ACLY: variants seen among roughly 807,000 people sequenced by gnomAD.
The protein encoded by ACLY is ATP-citrate synthase.
A neutral mutation model predicts 133.0 loss-of-function variants in ACLY; 41 were observed. That is an observed-to-expected ratio of 0.31 (90% CI 0.24 to 0.40). ACLY has a LOEUF of 0.40. ACLY is among the 10% of genes least tolerant of loss of function. The pLI is 1.00. For synonymous variants in ACLY, 495 were observed against 549.3 expected (o/e 0.90, Z 1.38); for missense variants, 1,046 against 1,453.8 (o/e 0.72, Z 4.56).
chr17:41,901,609 TA>T, intron 11 of ACLY, 86 bp downstream of exon 11: 2 of 1,169,670 alleles, frequency 1.7e-6, no homozygotes, highest in Non-Finnish European at 2.5e-6. Flanking sequence ...CAAAAGAGCC[TA>T]AGACTGATGC....
chr17:41,890,410 C>T (rs1240017425), intron 16 of ACLY, among the ~76,000 whole-genome samples: 3 of 151,166 alleles, frequency 2.0e-5, no homozygotes, highest in Non-Finnish European at 2.9e-5. Flanking sequence ...ATTTGCCGGG[C>T]GCGGTGGCTC....
At chr17:41,901,929 C>A (rs1555631705) in intron 10 of ACLY, 116 bp from the exon 11 acceptor site, 1 of 777,418 alleles carries the variant, frequency 1.3e-6, no homozygotes, top group East Asian at 2.7e-5. Context: ...TCAGGAAGCA[C>A]AGGACTACGC....
chr17:41,889,240 C>T lies in ACLY; in HGVS notation c.1771-1537G>A, dbSNP rs146270717. 2.5e-3 allele frequency among the ~76,000 whole-genome samples: 383 copies of T among 152,162 alleles called. 2 individuals carry two copies. The highest frequency in any genetic ancestry group is 8.4e-3 in the African/African-American group (350 of 41,512). ...TGCCCTAAACTAAAGAAGCAGCAGCCGGACGTGGTGGCTCACGCCTGTAAT... is the reference window on the plus strand; with the variant it reads ...TGCCCTAAACTAAAGAAGCAGCAGCTGGACGTGGTGGCTCACGCCTGTAAT... On this transcript the variant is annotated intron_variant, in intron 16 of 28. Coordinates refer to ENST00000352035, the MANE Select transcript of ACLY (RefSeq NM_001096.3).
At position 41,887,695 on chromosome 17, in the gene ACLY, G is replaced by C; in HGVS notation, c.1779C>G (p.Thr593=). Residue 593 remains threonine, a synonymous_variant, in exon 17 of 29, where the codon ACC becomes ACG. Coordinates refer to ENST00000352035, the MANE Select transcript of ACLY (RefSeq NM_001096.3). ...METMNYAQIR[T]IAIIAEGIPE... is the part of the protein sequence containing the mutation. ...GGATGCCTTCAGCTATGATGGCGATGGTCCGGATCTAGAGGATGACAAAAG... is the reference window on the plus strand; with the variant it reads ...GGATGCCTTCAGCTATGATGGCGATCGTCCGGATCTAGAGGATGACAAAAG... The C allele has an allele frequency of 6.2e-7, 1 of 1,613,528 alleles. No individual in the cohort carries two copies. Among genetic ancestry groups the C allele is most frequent in the Non-Finnish European group, 8.5e-7 (1 of 1,179,604 alleles).
chr17:41,898,568 T>C, intron 12 of ACLY, 63 bp downstream of exon 12: 1 of 1,579,310 alleles, frequency 6.3e-7, no homozygotes, highest in Non-Finnish European at 8.6e-7. Flanking sequence ...GGAAGAAGAC[T>C]GTATCCTAGT....
At chr17:41,908,956 C>T in intron 6 of ACLY, 33 bp downstream of exon 6, 2 of 1,574,234 alleles carry the variant, frequency 1.3e-6, no homozygotes, top group African/African-American at 1.3e-5. Flanking sequence ...CACTGGGACC[C>T]TTGCCCCCTC....
In ACLY at chr17:41,892,359, G is replaced by C. The variant is rs531658798; in HGVS notation, c.1690C>G (p.Pro564Ala). The change falls in exon 16 of 29, where the codon CCG (proline) becomes GCG (alanine). Residue 564 changes from proline (P) to alanine (A), a missense_variant. This residue lies in a region of ACLY where 575 missense variants were observed against 804.2 expected (regional missense o/e 0.71). Transcript: ENST00000352035. ...KNMADAMRKH[P>A]EVDVLINFAS... ...AAGTTGATGAGCACATCTACCTCCG[G>C]ATGCTTCCTCATGGCATCAGCCATG... 1.2e-6 allele frequency: 2 copies of C among 1,611,818 alleles called. No individual in the cohort carries two copies. Among genetic ancestry groups the C allele is most frequent in the Non-Finnish European group, 1.7e-6 (2 of 1,179,626 alleles).
chr17:41,867,856 G>A lies in ACLY; in HGVS notation c.3260C>T (p.Pro1087Leu). The A allele has an allele frequency of 6.2e-7, 1 of 1,611,154 alleles. No homozygotes were observed. The highest frequency in any genetic ancestry group is 8.5e-7 in the Non-Finnish European group (1 of 1,178,696). ...AAGAACATATGAAATATCATCCCAC[G>A]GATGACGATACAGCCCCTGCTTCAG... The part of the protein sequence containing the change: ...KRLKQGLYRH[P>L]WDDISYVLPE... Residue 1087 changes from proline (P) to leucine (L), a missense_variant, in exon 29 of 29, where the codon CCG becomes CTG. Pro to Leu is a moderately conservative substitution (Grantham distance 98). Around this residue, in one of 4 missense-constraint regions of ACLY, gnomAD observed 205 missense variants for 373.3 expected, o/e 0.55. Coordinates refer to ENST00000352035, the MANE Select transcript of ACLY (RefSeq NM_001096.3).
intron 7 of ACLY, among the ~76,000 whole-genome samples, 199 bp downstream of exon 7, chr17:41,907,243 G>A (rs2049746127): frequency 6.6e-6 from 1 of 152,114 alleles, no homozygotes. Flanking sequence ...AAATCTAAAA[G>A]GATTTCTGGC....
chr17:41,887,511 T>G, intron 17 of ACLY, 88 bp downstream of exon 17: 1 of 1,040,288 alleles, frequency 9.6e-7, no homozygotes, highest in Non-Finnish European at 1.5e-6. Context: ...AGGAGGGAGA[T>G]AGAGGAGTCA....
intron 17 of ACLY, among the ~76,000 whole-genome samples, chr17:41,886,944 T>G (rs1366518007): frequency 6.6e-6 from 1 of 151,584 alleles, no homozygotes; most frequent in Non-Finnish European, 1.5e-5. Context: ...GCTAACATGG[T>G]GAAACCCTGT....
In ACLY at chr17:41,867,411, C is replaced by T. The variant is rs1284898089; in HGVS notation, c.*399G>A. ...TTGGGGTGCTTTAAATGTATAGTAT[C>T]TTGAGGCCATAAATGTTTCATTCCC... On this transcript the variant is annotated 3_prime_UTR_variant, in exon 29 of 29. Coordinates refer to ENST00000352035, the MANE Select transcript of ACLY (RefSeq NM_001096.3). The T allele has an allele frequency of 6.5e-6, 1 of 153,692 alleles. No individual in the cohort carries two copies. Among genetic ancestry groups the T allele is most frequent in the South Asian group, 2.1e-4 (1 of 4,862 alleles). The allele number at this position is 153,692 out of a possible 1,614,324, so 9.5% of individuals were successfully genotyped here. A position where few individuals can be genotyped will look rare whatever the true frequency, so the allele number is the denominator to read the frequency against.
intron 9 of ACLY, 62 bp from the exon 10 acceptor site, chr17:41,904,852 G>A: frequency 1.3e-6 from 2 of 1,496,836 alleles, no homozygotes; most frequent in Non-Finnish European, 9.3e-7. Context: ...CATCTTCCCA[G>A]CAATCCAACT....
chr17:41,881,976 A>G (rs1238522908), intron 20 of ACLY, among the ~76,000 whole-genome samples: 3 of 152,198 alleles, frequency 2.0e-5, no homozygotes, highest in Non-Finnish European at 2.9e-5. Context: ...CTCTTTCTGT[A>G]TCAACATATC....
intron 22 of ACLY, among the ~76,000 whole-genome samples, 195 bp downstream of exon 22, chr17:41,877,908 G>T (rs1254675949): frequency 6.6e-6 from 1 of 152,026 alleles, no homozygotes; most frequent in Non-Finnish European, 1.5e-5. Flanking sequence ...GTGGTACCTT[G>T]TGATCATGTA....
Position 41,873,803 on chromosome 17 carries a change from A to G in ACLY, c.2642+8T>C. 2.6e-6 allele frequency: 4 copies of G among 1,553,500 alleles called. No homozygotes were observed. Among genetic ancestry groups the G allele is most frequent in the Non-Finnish European group, 3.5e-6 (4 of 1,143,952 alleles). ...AGGGCCCTGTAATCTTCTGCCCTCC[A>G]TGCTCACCTTTTCTGGAACCAGAGG... On this transcript the variant is annotated splice_region_variant and intron_variant, in intron 23 of 28. Transcript: ENST00000352035.
At position 41,906,591 on chromosome 17, in the gene ACLY, A is replaced by C; in HGVS notation, c.803T>G (p.Leu268Trp). ...CCAGATCCTCCCTTTGGGGTTCAGCAAGGTCAGCTTCAGGCTTGCCCCACT... is the reference window on the plus strand; with the variant it reads ...CCAGATCCTCCCTTTGGGGTTCAGCCAGGTCAGCTTCAGGCTTGCCCCACT... ...AKSGASLKLT[L>W]LNPKGRIWTM... The change falls in exon 8 of 29, where the codon TTG becomes TGG. Residue 268 changes from leucine (L) to tryptophan (W), a missense_variant. Leu to Trp is a moderately conservative substitution (Grantham distance 61). Transcript: ENST00000352035. 1 of 1,614,186 alleles carries C rather than the reference A, an allele frequency of 6.2e-7. No individual in the cohort carries two copies. Among genetic ancestry groups the C allele is most frequent in the Non-Finnish European group, 8.5e-7 (1 of 1,180,014 alleles).
chr17:41,885,831 A>C (rs542990271), intron 18 of ACLY, among the ~76,000 whole-genome samples: 1 of 152,152 alleles, frequency 6.6e-6, no homozygotes, highest in Non-Finnish European at 1.5e-5. Flanking sequence ...GGCCCTCCTA[A>C]CCACTGTACT....
intron 1 of ACLY, among the ~76,000 whole-genome samples, chr17:41,914,398 C>T (rs35766790): frequency 1.3e-5 from 2 of 152,086 alleles, no homozygotes; most frequent in Non-Finnish European, 2.9e-5. Flanking sequence ...TCATCTCCCC[C>T]ACACCCAGAT....
Sources: gnomAD v4.1 joint callset for allele counts (sites outside exome capture counted in the v4.1 genomes callset) on GRCh38, gnomAD v4.1.1 for gene constraint, gnomAD v4.1.1 regional missense constraint, MANE v1.5 for transcripts, NCBI Gene and HGNC (gene_info 2026-07-23, HGNC 2026-07-21) for gene names.